ZYG11B: variants seen among roughly 807,000 people sequenced by gnomAD.
ZYG11B encodes protein zyg-11 homolog B.
ZYG11B carries 36 observed loss-of-function variants against 82.4 expected under a neutral mutation model. That is an observed-to-expected ratio of 0.44 (90% CI 0.33 to 0.58). The LOEUF (loss-of-function observed/expected upper bound fraction) is 0.58, where lower values mean the gene tolerates loss of function less well. Among genes scored for constraint, ZYG11B ranks in the 20% least tolerant of loss-of-function variants. ZYG11B has a pLI of 0.02. For missense variants in ZYG11B, 552 were observed against 895.6 expected (o/e 0.62, Z 4.90); for synonymous variants, 303 against 312.8 (o/e 0.97, Z 0.33).
intron 3 of ZYG11B, chr1:52,772,534 T>C: frequency 1.9e-6 from 3 of 1,610,392 alleles, no homozygotes; most frequent in Non-Finnish European, 2.5e-6. Flanking sequence ...TTGGCCAGTT[T>C]GTAAATCTGC....
Position 52,734,499 on chromosome 1 carries a change from A to C in ZYG11B, c.30+7816A>C, listed in dbSNP as rs1257048970. Among the ~76,000 whole-genome samples, 4 of 151,720 alleles carry C rather than the reference A, an allele frequency of 2.6e-5. No individual in the cohort carries two copies. In the East Asian group the frequency reaches 7.8e-4, roughly 30 times the overall value. On this transcript the variant is annotated intron_variant, in intron 1 of 13. Transcript: ENST00000294353. ...TCTCAAAAAAAAATAAAAAATAAAA[A>C]ATTAGCTGGGTGTGGTAGCGCATGC...
intron 1 of ZYG11B, among the ~76,000 whole-genome samples, chr1:52,742,810 C>G (rs1644441975): frequency 6.6e-6 from 1 of 151,254 alleles, no homozygotes; most frequent in South Asian, 2.1e-4. Flanking sequence ...CCACTGCACT[C>G]CAGCCTGGGC....
intron 10 of ZYG11B, among the ~76,000 whole-genome samples, chr1:52,811,467 A>G (rs569204270): frequency 5.5e-4 from 84 of 151,620 alleles, no homozygotes; most frequent in Non-Finnish European, 6.9e-4. Context: ...GATGGTTTCT[A>G]TTTCTTTTTG....
At position 52,784,857 on chromosome 1, in the gene ZYG11B, G is replaced by A. The variant is rs1644900155; in HGVS notation, c.1093-20G>A. 2 of 1,610,902 alleles carry A rather than the reference G, an allele frequency of 1.2e-6. No individual in the cohort carries two copies. Among genetic ancestry groups the A allele is most frequent in the African/African-American group, 1.3e-5 (1 of 74,686 alleles). On this transcript the variant is annotated intron_variant, in intron 4 of 13. Transcript: ENST00000294353. Reference sequence around the variant, plus strand: ...TTGTATTTATAAGGTGAATTAAGAGGACTAATTTTTTTTTTCCAGCTTGTG... The same window carrying A: ...TTGTATTTATAAGGTGAATTAAGAGAACTAATTTTTTTTTTCCAGCTTGTG...
rs1644578485 is a variant in ZYG11B, at chr1:52,756,547, A to T, written c.120A>T (p.Gly40=). Residue 40 remains glycine (G), a synonymous_variant, in exon 2 of 14, where the codon GGA becomes GGT. Transcript: ENST00000294353. ...LEKFCSARQD[G]TLCLQEPGVF... ...AGTTCTGTTCAGCCAGACAAGATGG[A>T]ACATTGTGTCTGCAGGAACCTGGAG... is the stretch of plus-strand genomic sequence containing the variant. 1.2e-6 allele frequency: 2 copies of T among 1,614,028 alleles called. No homozygotes were observed. The highest frequency in any genetic ancestry group is 1.7e-6 in the Non-Finnish European group (2 of 1,179,978).
intron 10 of ZYG11B, among the ~76,000 whole-genome samples, chr1:52,803,484 G>GTA (rs1558140850): frequency 3.4e-5 from 5 of 147,346 alleles, no homozygotes; most frequent in African/African-American, 7.5e-5. Context: ...GTGTGTGTGT[G>GTA]TATATATATA....
At chr1:52,820,840 C>G (rs1345453575) in intron 13 of ZYG11B, among the ~76,000 whole-genome samples, 1 of 151,452 alleles carries the variant, frequency 6.6e-6, no homozygotes, top group East Asian at 1.9e-4. Context: ...ATGGCTCATG[C>G]CTGTAATTCT....
At chr1:52,803,484 G>A (rs75778529) in intron 10 of ZYG11B, among the ~76,000 whole-genome samples, 13,398 of 147,278 alleles carry the variant, frequency 0.091, 1,069 homozygotes, top group African/African-American at 0.22. Flanking sequence ...GTGTGTGTGT[G>A]TATATATATA....
rs753924795 is a variant in ZYG11B at position 52,779,899 on chromosome 1, G to A, written c.998G>A (p.Arg333His). 1.1e-5 allele frequency: 18 copies of A among 1,614,012 alleles called. No homozygotes were observed. The highest frequency in any genetic ancestry group is 4.0e-5 in the African/African-American group (3 of 74,906). Residue 333 changes from arginine to histidine, a missense_variant, in exon 4 of 14, where the codon CGT (arginine) becomes CAT (histidine). Physicochemically the swap from Arg to His is conservative, Grantham distance 29. Around this residue, in one of 3 missense-constraint regions of ZYG11B, gnomAD observed 359 missense variants for 555.8 expected, o/e 0.65. Coordinates refer to ENST00000294353, the MANE Select transcript of ZYG11B (RefSeq NM_024646.3). ...ACTCAGATTGCAGAAGCACTGAAGC[G>A]TTACAGTGAACGGGCATTCTTTGTT... ...NETQIAEALK[R>H]YSERAFFVRE...
At chr1:52,804,819 C>T (rs1424480789) in intron 10 of ZYG11B, among the ~76,000 whole-genome samples, 1 of 151,090 alleles carries the variant, frequency 6.6e-6, no homozygotes, top group Admixed American at 6.6e-5. Context: ...TGGTCAGGTG[C>T]AGTGGCTCAT....
chr1:52,817,994 C>T (rs1253299643), intron 13 of ZYG11B, among the ~76,000 whole-genome samples: 10 of 149,788 alleles, frequency 6.7e-5, no homozygotes, highest in African/African-American at 2.4e-4. Context: ...TGCACCACCA[C>T]ACCTGGCTAA....
At chr1:52,757,473 C>A (rs916847976) in intron 2 of ZYG11B, among the ~76,000 whole-genome samples, 22 of 151,850 alleles carry the variant, frequency 1.4e-4, no homozygotes, top group Non-Finnish European at 2.8e-4. Flanking sequence ...GTCAGGAGTT[C>A]GAGACCAGCC....
intron 1 of ZYG11B, among the ~76,000 whole-genome samples, chr1:52,742,601 C>T (rs527594599): frequency 9.9e-5 from 15 of 152,096 alleles, no homozygotes; most frequent in African/African-American, 2.6e-4. Context: ...CCAGCACTTT[C>T]GGAGGCGGAG....
chr1:52,821,254 G>GT (rs1286700406), intron 13 of ZYG11B, among the ~76,000 whole-genome samples, 185 bp from the exon 14 acceptor site: 1 of 151,878 alleles, frequency 6.6e-6, no homozygotes, highest in East Asian at 1.9e-4. Flanking sequence ...TGAATGTGTA[G>GT]GCCTTGCACT....
intron 4 of ZYG11B, among the ~76,000 whole-genome samples, chr1:52,784,182 G>T (rs1644893422): frequency 6.6e-6 from 1 of 152,000 alleles, no homozygotes; most frequent in African/African-American, 2.4e-5. Flanking sequence ...AGTAGAGATG[G>T]GGTTTCACCA....
chr1:52,770,864 A>G (rs1254469690), intron 2 of ZYG11B, among the ~76,000 whole-genome samples, 156 bp from the exon 3 acceptor site: 3 of 152,212 alleles, frequency 2.0e-5, no homozygotes, highest in African/African-American at 4.8e-5. Flanking sequence ...TTACTCATCT[A>G]CAAGTTGTAA....
intron 10 of ZYG11B, among the ~76,000 whole-genome samples, chr1:52,812,028 A>C (rs1449465529): frequency 1.4e-5 from 2 of 146,046 alleles, no homozygotes; most frequent in Admixed American, 6.8e-5. Context: ...GACTCCATCT[A>C]AAAAAAAAAA....
intron 3 of ZYG11B, among the ~76,000 whole-genome samples, chr1:52,779,140 A>G (rs1644833839): frequency 6.6e-6 from 1 of 152,222 alleles, no homozygotes; most frequent in Admixed American, 6.5e-5. Context: ...CAGAGAGGAC[A>G]TTGTATGAGT....
chr1:52,819,522 T>G (rs1645262984), intron 13 of ZYG11B, among the ~76,000 whole-genome samples: 1 of 152,098 alleles, frequency 6.6e-6, no homozygotes, highest in Non-Finnish European at 1.5e-5. Context: ...GCATGGTGGC[T>G]CACGCCTGTA....
Sources: allele counts gnomAD v4.1 joint callset (sites outside exome capture counted in the v4.1 genomes callset), GRCh38; gene constraint gnomAD v4.1.1; regional missense constraint gnomAD v4.1.1; transcripts MANE v1.5; gene names NCBI Gene and HGNC (gene_info 2026-07-23, HGNC 2026-07-21).